Variants in SEMA5A observed in about 807,000 individuals in gnomAD.
SEMA5A encodes the protein semaphorin-5A.
In SEMA5A, 55 loss-of-function variants were observed where a neutral mutation model predicts 135.5. That is an observed-to-expected ratio of 0.41 (90% CI 0.33 to 0.51). The LOEUF is 0.51. Ranked by LOEUF, SEMA5A falls within the 20% of genes least tolerant of loss-of-function variation. SEMA5A has a pLI of 0.37. For missense variants in SEMA5A, 1,290 were observed against 1,419.9 expected, an observed-to-expected ratio of 0.91 and a Z score of 1.47; for synonymous variants, 580 against 546.5, an observed-to-expected ratio of 1.06 and a Z score of -0.85.
chr5:9,493,238 C>T (rs999378179), intron 1 of SEMA5A, among the ~76,000 whole-genome samples: 1 of 150,510 alleles, frequency 6.6e-6, no homozygotes, highest in African/African-American at 2.4e-5. Flanking sequence ...CCTATTAGTT[C>T]ATAAATATAT....
intron 16 of SEMA5A, among the ~76,000 whole-genome samples, chr5:9,083,765 T>C (rs1217448726): frequency 6.6e-6 from 1 of 152,186 alleles, no homozygotes; most frequent in Non-Finnish European, 1.5e-5. Context: ...GCCATCAGCC[T>C]CACACCAACT....
At chr5:9,149,647 A>C (rs1742525589) in intron 12 of SEMA5A, among the ~76,000 whole-genome samples, 1 of 152,158 alleles carries the variant, frequency 6.6e-6, no homozygotes, top group Admixed American at 6.5e-5. Flanking sequence ...CGTCTCAAAA[A>C]CAAAACAAAA....
intron 11 of SEMA5A, among the ~76,000 whole-genome samples, chr5:9,173,777 T>C (rs547917886): frequency 5.9e-5 from 9 of 152,190 alleles, no homozygotes; most frequent in Non-Finnish European, 1.0e-4. Flanking sequence ...CGTTAACACA[T>C]TGCATGTCCT....
At chr5:9,212,318 A>C (rs1200002426) in intron 8 of SEMA5A, among the ~76,000 whole-genome samples, 1 of 152,236 alleles carries the variant, frequency 6.6e-6, no homozygotes, top group Non-Finnish European at 1.5e-5. Flanking sequence ...CCTGCCTTAC[A>C]GTAATCATTT....
intron 5 of SEMA5A, among the ~76,000 whole-genome samples, 191 bp from the exon 6 acceptor site, chr5:9,238,081 T>G (rs548803816): frequency 4.7e-4 from 71 of 152,248 alleles, no homozygotes; most frequent in African/African-American, 1.6e-3. Context: ...GCTCTAATAT[T>G]GAAGCATAAG....
At chr5:9,485,538 G>A (rs1000443443) in intron 1 of SEMA5A, among the ~76,000 whole-genome samples, 2 of 152,186 alleles carry the variant, frequency 1.3e-5, no homozygotes, top group African/African-American at 4.8e-5. Flanking sequence ...GTTCAGAAGT[G>A]CTGAACAAAG....
intron 13 of SEMA5A, among the ~76,000 whole-genome samples, chr5:9,134,569 C>T (rs961177657): frequency 1.3e-5 from 2 of 152,194 alleles, no homozygotes; most frequent in African/African-American, 4.8e-5. Context: ...AGAGGGAAAG[C>T]CCTTCTAGGT....
At chr5:9,203,430 C>G (rs1047964101) in intron 8 of SEMA5A, among the ~76,000 whole-genome samples, 2 of 152,030 alleles carry the variant, frequency 1.3e-5, no homozygotes, top group Non-Finnish European at 2.9e-5. Flanking sequence ...GGCAGGACAA[C>G]TAAAAATATG....
intron 11 of SEMA5A, among the ~76,000 whole-genome samples, chr5:9,187,586 G>C (rs1048696168): frequency 1.3e-5 from 2 of 152,302 alleles, no homozygotes; most frequent in South Asian, 4.1e-4. Flanking sequence ...ACTAGTGAGA[G>C]ATGGAAACTG....
intron 5 of SEMA5A, among the ~76,000 whole-genome samples, chr5:9,246,450 C>G (rs1467118858): frequency 2.0e-5 from 3 of 152,094 alleles, no homozygotes; most frequent in East Asian, 3.9e-4. Context: ...TTACAACATA[C>G]AATTATATCT....
At chr5:9,240,435 G>A (rs1011754329) in intron 5 of SEMA5A, among the ~76,000 whole-genome samples, 2 of 152,030 alleles carry the variant, frequency 1.3e-5, no homozygotes, top group African/African-American at 4.8e-5. Flanking sequence ...AAAAGGAATA[G>A]AATGGAGAAA....
intron 15 of SEMA5A, among the ~76,000 whole-genome samples, chr5:9,109,324 G>A (rs1426126993): frequency 6.6e-6 from 1 of 152,166 alleles, no homozygotes; most frequent in Non-Finnish European, 1.5e-5. Flanking sequence ...ACAGGCGTGA[G>A]CCACCGCGCC....
chr5:9,438,847 G>A (rs1758128556), intron 1 of SEMA5A, among the ~76,000 whole-genome samples: 1 of 152,154 alleles, frequency 6.6e-6, no homozygotes, highest in African/African-American at 2.4e-5. Flanking sequence ...CATGATCCGA[G>A]GCCATCTGCC....
chr5:9,184,306 A>G (rs1744689276), intron 11 of SEMA5A, among the ~76,000 whole-genome samples: 1 of 151,672 alleles, frequency 6.6e-6, no homozygotes, highest in South Asian at 2.1e-4. Context: ...TATTCTTGGA[A>G]TTTAAAAACT....
intron 10 of SEMA5A, 70 bp from the exon 11 acceptor site, chr5:9,190,541 T>C (rs1745050986): frequency 3.5e-6 from 5 of 1,449,194 alleles, no homozygotes; most frequent in African/African-American, 2.8e-5. Context: ...GTGGCCACCC[T>C]AGCTGGAAAG....
chr5:9,361,101 C>T (rs1351479415), intron 3 of SEMA5A, among the ~76,000 whole-genome samples: 2 of 152,114 alleles, frequency 1.3e-5, no homozygotes, highest in African/African-American at 4.8e-5. Flanking sequence ...GAGTTCGAGA[C>T]CAGCCTGGCC....
chr5:9,472,984 C>T (rs538618716), intron 1 of SEMA5A, among the ~76,000 whole-genome samples: 26 of 150,384 alleles, frequency 1.7e-4, no homozygotes, highest in Admixed American at 1.5e-3. Flanking sequence ...ATGTCATGTA[C>T]GTAGCATTAT....
chr5:9,314,272 TG>T (rs1351280764), intron 5 of SEMA5A, among the ~76,000 whole-genome samples: 1 of 151,560 alleles, frequency 6.6e-6, no homozygotes, highest in Non-Finnish European at 1.5e-5. Context: ...TGTTTTCCAA[TG>T]GGGCGCACCA....
chr5:9,305,204 TC>T (rs1439747203), intron 5 of SEMA5A, among the ~76,000 whole-genome samples: 2 of 152,198 alleles, frequency 1.3e-5, no homozygotes, highest in Non-Finnish European at 2.9e-5. Flanking sequence ...CATCTCTTAG[TC>T]TTTATTCAAC....
Sources: gnomAD v4.1 joint callset for allele counts (sites outside exome capture counted in the v4.1 genomes callset) on GRCh38, gnomAD v4.1.1 for gene constraint, MANE v1.5 for transcripts, NCBI Gene and HGNC (gene_info 2026-07-23, HGNC 2026-07-21) for gene names.